Variants in CPNE4 observed in about 807,000 individuals in gnomAD.
CPNE4 encodes copine-4.
Under a neutral mutation model 67.9 loss-of-function variants are expected in CPNE4, and 25 were observed. The observed-to-expected ratio is 0.37, with a 90% CI of 0.27 to 0.51. The LOEUF is 0.51. Ranked by LOEUF, CPNE4 falls within the 20% of genes least tolerant of loss-of-function variation. The pLI is 0.93. For missense variants in CPNE4, 464 were observed against 690.8 expected (o/e 0.67, Z 3.68); for synonymous variants, 242 against 244.9 (o/e 0.99, Z 0.11).
intron 15 of CPNE4, among the ~76,000 whole-genome samples, chr3:131,537,283 GTTT>G (rs756997599): frequency 8.1e-6 from 1 of 123,856 alleles, no homozygotes. Flanking sequence ...TTTCTTTTCT[GTTT>G]TTTTTTTTTT....
intron 2 of CPNE4, among the ~76,000 whole-genome samples, chr3:131,858,968 T>C (rs2086565902): frequency 6.6e-6 from 1 of 152,082 alleles, no homozygotes; most frequent in South Asian, 2.1e-4. Context: ...TCTGAATCTC[T>C]TGGGAATGAG....
chr3:131,966,203 T>C (rs568676369), intron 1 of CPNE4, among the ~76,000 whole-genome samples: 1 of 152,218 alleles, frequency 6.6e-6, no homozygotes, highest in Non-Finnish European at 1.5e-5. Context: ...TACCAGAATC[T>C]CTGGGGCACA....
chr3:131,541,052 C>A (rs1243142439), intron 15 of CPNE4, among the ~76,000 whole-genome samples: 1 of 152,180 alleles, frequency 6.6e-6, no homozygotes, highest in Non-Finnish European at 1.5e-5. Flanking sequence ...TTGGCATCTG[C>A]AGCAGTGCAG....
At position 131,992,766 on chromosome 3, in the gene CPNE4, G is replaced by A. The variant is rs2073199966; in HGVS notation, c.-2+41801C>T. The stretch of plus-strand genomic sequence containing the variant: ...CCATGTGTTGTCAGAGGGACCTGGT[G>A]GGAGGTAATTTAATCATGGAGGCAG... On this transcript the variant is annotated intron_variant, in intron 1 of 15. Transcript: ENST00000429747. Among the ~76,000 whole-genome samples, 2 of 136,044 alleles carry A rather than the reference G, an allele frequency of 1.5e-5. 1 individual carries two copies. Among genetic ancestry groups the A allele is most frequent in the South Asian group, 5.1e-4 (2 of 3,912 alleles). The allele number at this position is 136,044 out of a possible 152,430, so 89.3% of individuals were successfully genotyped here.
intron 1 of CPNE4, among the ~76,000 whole-genome samples, chr3:132,031,750 T>C (rs151087223): frequency 1.3e-5 from 2 of 152,324 alleles, no homozygotes; most frequent in African/African-American, 4.8e-5. Context: ...ATGTGTTCAG[T>C]ATTAATTCCA....
intron 7 of CPNE4, among the ~76,000 whole-genome samples, chr3:131,658,318 G>A (rs1472904710): frequency 6.6e-6 from 1 of 152,136 alleles, no homozygotes; most frequent in Non-Finnish European, 1.5e-5. Context: ...AGCACGAGTG[G>A]CCTCTGTAGG....
At chr3:131,864,117 T>C (rs1235031138) in intron 2 of CPNE4, among the ~76,000 whole-genome samples, 1 of 151,858 alleles carries the variant, frequency 6.6e-6, no homozygotes, top group African/African-American at 2.4e-5. Context: ...AGCCTTGTAG[T>C]ATAGTTTGAA....
At chr3:131,978,108 T>G (rs1583547664) in intron 1 of CPNE4, among the ~76,000 whole-genome samples, 1 of 63,392 alleles carries the variant, frequency 1.6e-5, no homozygotes, top group South Asian at 3.4e-4. Flanking sequence ...TAAATATATA[T>G]AAAATATATA....
At chr3:131,881,954 T>C (rs2087687468) in intron 2 of CPNE4, among the ~76,000 whole-genome samples, 1 of 152,216 alleles carries the variant, frequency 6.6e-6, no homozygotes, top group South Asian at 2.1e-4. Flanking sequence ...CACAATATTT[T>C]TCTTCCTACT....
intron 6 of CPNE4, among the ~76,000 whole-genome samples, chr3:131,681,461 G>A (rs552288078): frequency 1.3e-5 from 2 of 152,100 alleles, no homozygotes; most frequent in Non-Finnish European, 2.9e-5. Context: ...ACTCTCCCCC[G>A]GTCTTTAAGG....
intron 5 of CPNE4, among the ~76,000 whole-genome samples, chr3:131,695,536 A>G (rs1319969376): frequency 1.3e-5 from 2 of 152,226 alleles, no homozygotes; most frequent in Non-Finnish European, 2.9e-5. Flanking sequence ...TAAAACTGCT[A>G]TCCACTGACC....
chr3:131,983,415 C>T (rs73208128), intron 1 of CPNE4, among the ~76,000 whole-genome samples: 11,581 of 152,114 alleles, frequency 0.076, 467 homozygotes, highest in East Asian at 0.14. Context: ...CTTGCTACGA[C>T]GTGGAGCTGC....
intron 3 of CPNE4, among the ~76,000 whole-genome samples, chr3:131,701,828 A>G (rs1278718250): frequency 6.6e-6 from 1 of 152,228 alleles, no homozygotes; most frequent in East Asian, 1.9e-4. Flanking sequence ...GATTCCTGAC[A>G]TACAGCAACT....
rs146742974 is a variant in CPNE4, at chr3:131,949,484, C to T, written c.-1-44040G>A. Among the ~76,000 whole-genome samples the T allele has an allele frequency of 2.8e-3, 424 of 152,046 alleles. 2 individuals carry two copies. The highest frequency in any genetic ancestry group is 8.8e-3 in the African/African-American group (364 of 41,494). ...AAGATATGCAAAGTTTTAGGAGTAC[C>T]AAAATGCAGAAGTATTTATCAATAG... On this transcript the variant is annotated intron_variant, in intron 1 of 15. Coordinates refer to ENST00000429747, the MANE Select transcript of CPNE4 (RefSeq NM_130808.3).
intron 1 of CPNE4, among the ~76,000 whole-genome samples, chr3:131,911,346 C>T (rs1326629190): frequency 1.3e-5 from 2 of 152,124 alleles, no homozygotes; most frequent in Non-Finnish European, 2.9e-5. Context: ...GATGTGACAG[C>T]AGCCCTGACT....
chr3:131,774,707 G>A (rs938409675), intron 2 of CPNE4, among the ~76,000 whole-genome samples: 5 of 152,028 alleles, frequency 3.3e-5, no homozygotes, highest in African/African-American at 9.7e-5. Context: ...CTAGAGGAAA[G>A]CTAAGCTGGG....
chr3:131,994,014 T>C (rs1370795215), intron 1 of CPNE4, among the ~76,000 whole-genome samples: 1 of 136,542 alleles, frequency 7.3e-6, no homozygotes, highest in Admixed American at 8.2e-5. Flanking sequence ...ATGACATTTC[T>C]ATATATTAGC....
chr3:132,026,278 T>C (rs2107696277), intron 1 of CPNE4, among the ~76,000 whole-genome samples: 1 of 152,282 alleles, frequency 6.6e-6, no homozygotes, highest in African/African-American at 2.4e-5. Context: ...TATCAAGAAG[T>C]GTGATATACA....
intron 1 of CPNE4, among the ~76,000 whole-genome samples, chr3:131,983,323 A>G (rs1328232244): frequency 6.6e-6 from 1 of 152,204 alleles, no homozygotes; most frequent in African/African-American, 2.4e-5. Context: ...TGGTAAGACT[A>G]ATTTACACTT....
Sources: allele counts gnomAD v4.1 joint callset (sites outside exome capture counted in the v4.1 genomes callset), GRCh38; gene constraint gnomAD v4.1.1; transcripts MANE v1.5; gene names NCBI Gene and HGNC (gene_info 2026-07-23, HGNC 2026-07-21).